The following PHTF1 variants were observed in gnomAD, a reference collection of about 807,000 sequenced individuals.
The protein encoded by PHTF1 is protein PHTF1.
Under a neutral mutation model 102.4 loss-of-function variants are expected in PHTF1, and 88 were observed. The ratio of observed to expected loss-of-function variants is 0.86; its 90% CI spans 0.72 to 1.03. PHTF1 has a LOEUF of 1.03. PHTF1 is among the 50% of genes least tolerant of loss of function. PHTF1 has a pLI of 0.00. For synonymous variants in PHTF1, 289 were observed against 305.2 expected (o/e 0.95, Z 0.55); for missense variants, 814 against 909.5 (o/e 0.89, Z 1.35).
intron 7 of PHTF1, 149 bp from the exon 8 acceptor site, chr1:113,713,587 G>A: frequency 1.7e-6 from 1 of 585,112 alleles, no homozygotes; most frequent in South Asian, 2.2e-5. Flanking sequence ...GCTAAGTAAG[G>A]GTGTAGAATG....
intron 11 of PHTF1, among the ~76,000 whole-genome samples, chr1:113,709,224 A>C (rs1376196740): frequency 6.6e-6 from 1 of 152,218 alleles, no homozygotes; most frequent in Non-Finnish European, 1.5e-5. Flanking sequence ...CAACAGAGTG[A>C]GCTCTGTCCC....
chr1:113,706,832 G>T (rs571710519), intron 11 of PHTF1, 110 bp from the exon 12 acceptor site: 15 of 560,178 alleles, frequency 2.7e-5, no homozygotes, highest in South Asian at 2.5e-4. Context: ...CCTCTATAAT[G>T]CTGGTCCTTT....
At chr1:113,712,830 A>G (rs1651347302) in intron 8 of PHTF1, among the ~76,000 whole-genome samples, 1 of 144,290 alleles carries the variant, frequency 6.9e-6, no homozygotes, top group African/African-American at 2.6e-5. Flanking sequence ...TGTGTCTCCC[A>G]GGTTGGAGTG....
chr1:113,729,259 G>A (rs553372400), intron 5 of PHTF1, among the ~76,000 whole-genome samples: 5 of 152,208 alleles, frequency 3.3e-5, no homozygotes, highest in Non-Finnish European at 7.3e-5. Context: ...AGAAGGCTCT[G>A]AGGCTGAGAA....
Position 113,710,253 on chromosome 1 carries a change from C to T in PHTF1, c.1269+1G>A. On this transcript the variant is annotated splice_donor_variant, in intron 11 of 18. Coordinates refer to ENST00000369604, the MANE Select transcript of PHTF1 (RefSeq NM_001323043.2). LOFTEE classifies it high-confidence loss of function. ...GCTATTCTTATCATGTCTGCACAGA[C>T]CTGCTGAAAAACATCCTCTTTGGGG... The T allele has an allele frequency of 6.2e-7, 1 of 1,607,346 alleles. No individual in the cohort carries two copies. The highest frequency in any genetic ancestry group is 8.5e-7 in the Non-Finnish European group (1 of 1,175,034).
At chr1:113,722,922 A>ATAAG (rs1653199515) in intron 7 of PHTF1, among the ~76,000 whole-genome samples, 1 of 115,856 alleles carries the variant, frequency 8.6e-6, no homozygotes, top group South Asian at 2.4e-4. Flanking sequence ...TCCATCTCAA[A>ATAAG]TAAATAAATA....
chr1:113,753,144 T>A (rs990882591), intron 3 of PHTF1, among the ~76,000 whole-genome samples: 5 of 152,220 alleles, frequency 3.3e-5, no homozygotes, highest in Non-Finnish European at 7.3e-5. Flanking sequence ...AGATAAGCCA[T>A]TTTATGTGTT....
rs1192775415 is a variant in PHTF1, at chr1:113,724,855, T to C, written c.527A>G (p.Glu176Gly). 8 of 1,609,436 alleles carry C rather than the reference T, an allele frequency of 5.0e-6. No individual in the cohort carries two copies. The South Asian group carries it at 8.9e-5, about 18-fold the overall frequency. Residue 176 changes from glutamate (E) to glycine (G), a missense_variant, in exon 7 of 19, where the codon GAA becomes GGA. By Grantham distance (98) the Glu-to-Gly change is moderately conservative. Coordinates refer to ENST00000369604, the MANE Select transcript of PHTF1 (RefSeq NM_001323043.2). Reference protein sequence around the residue: ...RKTVNGDGSRENGNNSSDKVR... With the variant: ...RKTVNGDGSRGNGNNSSDKVR... ...TTTATCAGAGGAGTTATTTCCATTT[T>C]CTCGGCTCCCATCACCATTTACAGT...
chr1:113,742,682 T>C (rs1428500292), intron 3 of PHTF1, among the ~76,000 whole-genome samples: 1 of 152,100 alleles, frequency 6.6e-6, no homozygotes, highest in Non-Finnish European at 1.5e-5. Context: ...TCATGAATAG[T>C]GCTCTCAGGA....
At chr1:113,710,149 T>A in intron 11 of PHTF1, 105 bp downstream of exon 11, 1 of 788,730 alleles carries the variant, frequency 1.3e-6, no homozygotes, top group Non-Finnish European at 2.1e-6. Flanking sequence ...ATAATAATAG[T>A]ATCTACCCTA....
intron 3 of PHTF1, among the ~76,000 whole-genome samples, chr1:113,753,285 A>G (rs766137581): frequency 5.9e-5 from 9 of 152,156 alleles, no homozygotes; most frequent in Non-Finnish European, 1.3e-4. Context: ...TGAGAAGTAT[A>G]TTTCCTTCTC....
chr1:113,733,206 T>C (rs1654972167), intron 5 of PHTF1, among the ~76,000 whole-genome samples: 1 of 151,186 alleles, frequency 6.6e-6, no homozygotes. Flanking sequence ...CCCACCTAGA[T>C]AACAATTTTT....
At chr1:113,725,249 T>C (rs1415494774) in intron 6 of PHTF1, 1 of 164,928 alleles carries the variant, frequency 6.1e-6, no homozygotes, top group Non-Finnish European at 1.3e-5. Flanking sequence ...CTACCTCTTA[T>C]GGCACATTTT....
intron 3 of PHTF1, among the ~76,000 whole-genome samples, chr1:113,743,332 C>T (rs546775208): frequency 6.6e-6 from 1 of 152,002 alleles, no homozygotes; most frequent in Admixed American, 6.6e-5. Context: ...TTGTCTCCCA[C>T]CTCCATATCT....
intron 11 of PHTF1, among the ~76,000 whole-genome samples, chr1:113,708,293 G>A (rs182322925): frequency 7.0e-4 from 106 of 152,270 alleles, no homozygotes; most frequent in African/African-American, 2.5e-3. Flanking sequence ...CAGGTATTTA[G>A]ACAGCTGAAT....
In PHTF1 at chr1:113,759,404, G is replaced by GC. The variant is rs999531973; in HGVS notation, c.-413dup. ...GGTGCAAAGGCCCCGGACCCCGAGA[G>GC]CCCGGGAGCCCGGGAGGAGGAGGCG... On this transcript the variant is annotated 5_prime_UTR_variant, in exon 1 of 19. Coordinates refer to ENST00000369604, the MANE Select transcript of PHTF1 (RefSeq NM_001323043.2). 2.2e-5 allele frequency: 3 copies of GC among 135,352 alleles called. No individual in the cohort carries two copies. The highest frequency in any genetic ancestry group is 3.2e-5 in the Non-Finnish European group (2 of 62,728). 8.4% of individuals were successfully genotyped at this position (135,352 alleles called of 1,614,324 possible).
rs1403784231 is a variant in PHTF1, at chr1:113,697,731, A to G, written c.2269-6T>C. The G allele has an allele frequency of 6.2e-7, 1 of 1,603,398 alleles. No homozygotes were observed. Among genetic ancestry groups the G allele is most frequent in the South Asian group, 1.1e-5 (1 of 90,820 alleles). On this transcript the variant is annotated splice_region_variant and splice_polypyrimidine_tract_variant and intron_variant, in intron 18 of 18. Coordinates refer to ENST00000369604, the MANE Select transcript of PHTF1 (RefSeq NM_001323043.2). ...TATGATTTAATTTTCCACAGCTAAGAGAACAAAATCACCAAAATAAGTTAG... is the reference window on the plus strand; with the variant it reads ...TATGATTTAATTTTCCACAGCTAAGGGAACAAAATCACCAAAATAAGTTAG...
chr1:113,711,599 T>G (rs1651097412), intron 10 of PHTF1, 147 bp downstream of exon 10: 2 of 616,790 alleles, frequency 3.2e-6, no homozygotes, highest in South Asian at 4.0e-5. Flanking sequence ...CATTAAAAGC[T>G]GCTAGATAAG....
intron 3 of PHTF1, among the ~76,000 whole-genome samples, chr1:113,748,243 T>C (rs1479391971): frequency 1.3e-5 from 2 of 152,176 alleles, no homozygotes; most frequent in Non-Finnish European, 2.9e-5. Flanking sequence ...CCTCCCAAAG[T>C]GCTAGGATTA....
Sources: gnomAD v4.1 joint callset for allele counts (sites outside exome capture counted in the v4.1 genomes callset) on GRCh38, gnomAD v4.1.1 for gene constraint, MANE v1.5 for transcripts, NCBI Gene and HGNC (gene_info 2026-07-23, HGNC 2026-07-21) for gene names.